SLC45A4: variants seen among roughly 807,000 people sequenced by gnomAD.
SLC45A4 encodes solute carrier family 45 member 4.
Under a neutral mutation model 63.7 loss-of-function variants are expected in SLC45A4, and 32 were observed. The observed-to-expected ratio is 0.50, with a 90% CI of 0.38 to 0.67. The LOEUF (loss-of-function observed/expected upper bound fraction) is 0.67. Ranked by LOEUF, SLC45A4 falls within the 30% of genes least tolerant of loss-of-function variation. SLC45A4 has a pLI of 0.00. For synonymous variants in SLC45A4, 535 were observed against 510.0 expected (o/e 1.05, Z -0.66); for missense variants, 1,027 against 1,157.7 (o/e 0.89, Z 1.64).
At chr8:141,242,755 C>A (rs558868919) in intron 2 of SLC45A4, among the ~76,000 whole-genome samples, 1 of 152,180 alleles carries the variant, frequency 6.6e-6, no homozygotes. Context: ...CTGTCTTCCA[C>A]GAGCACCTCA....
intron 2 of SLC45A4, among the ~76,000 whole-genome samples, chr8:141,238,154 G>A (rs1050925340): frequency 8.5e-5 from 13 of 152,176 alleles, no homozygotes; most frequent in Non-Finnish European, 1.3e-4. Flanking sequence ...CAGCAGACGC[G>A]TGCCCGAGTC....
intron 1 of SLC45A4, among the ~76,000 whole-genome samples, chr8:141,269,279 T>C (rs532944813): frequency 1.3e-5 from 2 of 152,228 alleles, no homozygotes; most frequent in Non-Finnish European, 2.9e-5. Flanking sequence ...AGTCTTCTGA[T>C]AACCGTCTTT....
chr8:141,268,217 G>C (rs1829360658), intron 1 of SLC45A4, among the ~76,000 whole-genome samples: 1 of 152,214 alleles, frequency 6.6e-6, no homozygotes, highest in Admixed American at 6.5e-5. Context: ...CTCTGAAACG[G>C]CTACCAACTG....
intron 7 of SLC45A4, among the ~76,000 whole-genome samples, chr8:141,213,067 AC>A (rs1284984507): frequency 5.8e-5 from 5 of 86,306 alleles, no homozygotes; most frequent in African/African-American, 2.8e-4. Flanking sequence ...ATATATTACT[AC>A]CATTAGCATC....
chr8:141,283,178 C>A (rs1830015588), intron 1 of SLC45A4, among the ~76,000 whole-genome samples: 1 of 152,378 alleles, frequency 6.6e-6, no homozygotes, highest in South Asian at 2.1e-4. Context: ...TGAGATTCCT[C>A]AAGTCCTGAG....
chr8:141,264,930 C>CCCGT (rs1196212626), intron 1 of SLC45A4, among the ~76,000 whole-genome samples: 1 of 152,176 alleles, frequency 6.6e-6, no homozygotes, highest in African/African-American at 2.4e-5. Context: ...CAAGACAGAA[C>CCCGT]CCGTCTATCA....
intron 1 of SLC45A4, among the ~76,000 whole-genome samples, chr8:141,273,044 G>A (rs578163743): frequency 2.0e-5 from 3 of 152,326 alleles, no homozygotes; most frequent in Admixed American, 2.0e-4. Flanking sequence ...AAGATGCAGT[G>A]TCCGACACGT....
intron 1 of SLC45A4, among the ~76,000 whole-genome samples, chr8:141,283,670 G>C (rs1264400250): frequency 6.6e-6 from 1 of 152,226 alleles, no homozygotes; most frequent in Non-Finnish European, 1.5e-5. Context: ...TACAGTGACT[G>C]CTGGGCAGCT....
chr8:141,269,873 G>A (rs139449537), intron 1 of SLC45A4, among the ~76,000 whole-genome samples: 1 of 152,156 alleles, frequency 6.6e-6, no homozygotes, highest in African/African-American at 2.4e-5. Context: ...CCCCAGGAAT[G>A]AGCGGACACC....
Position 141,307,038 on chromosome 8 carries a change from C to A in SLC45A4, c.-401+1058G>T, listed in dbSNP as rs944078020. 2.0e-5 allele frequency among the ~76,000 whole-genome samples: 3 copies of A among 152,196 alleles called. No homozygotes were observed. In the South Asian group the frequency reaches 6.2e-4, roughly 31 times the overall value. ...CTGAAGCCACACTCCATCAGTGACC[C>A]GCACTGGAGAGACACAAACACCTCA... On this transcript the variant is annotated intron_variant, in intron 1 of 8. Coordinates refer to ENST00000517878, the MANE Select transcript of SLC45A4 (RefSeq NM_001286646.2).
rs566205599 is a variant in SLC45A4 at position 141,211,354 on chromosome 8, C to T, written c.*218G>A. On this transcript the variant is annotated 3_prime_UTR_variant, in exon 9 of 9. Transcript: ENST00000517878. ...GGGCGCAGACACACTCACACGCGCA[C>T]GCAGGAGCTCGTCTGGAGCTCACGC... The T allele has an allele frequency of 1.8e-4, 262 of 1,421,756 alleles. No homozygotes were observed. In the African/African-American group the frequency reaches 2.8e-3, roughly 15 times the overall value. 88.1% of individuals were successfully genotyped at this position (1,421,756 alleles called of 1,614,324 possible).
At chr8:141,232,024 C>T (rs2154614342) in intron 2 of SLC45A4, among the ~76,000 whole-genome samples, 1 of 152,364 alleles carries the variant, frequency 6.6e-6, no homozygotes, top group East Asian at 1.9e-4. Flanking sequence ...ACAGTACATT[C>T]CAGTGGGGCC....
intron 1 of SLC45A4, among the ~76,000 whole-genome samples, chr8:141,258,150 G>A (rs1224972686): frequency 4.8e-5 from 7 of 146,576 alleles, no homozygotes; most frequent in East Asian, 4.0e-4. Flanking sequence ...CCAGCTCTGC[G>A]CTGGATCTGC....
In SLC45A4 at chr8:141,210,463, C is replaced by T. The variant is rs139551568; in HGVS notation, c.*1109G>A. 3.3e-5 allele frequency: 5 copies of T among 152,198 alleles called. No individual in the cohort carries two copies. The highest frequency in any genetic ancestry group is 2.1e-4 in the South Asian group (1 of 4,834). 9.4% of individuals were successfully genotyped at this position (152,198 alleles called of 1,614,324 possible). A position where few individuals can be genotyped will look rare whatever the true frequency, so the allele number is the denominator to read the frequency against. The stretch of plus-strand genomic sequence containing the variant: ...TCAGCCCTCTGCGATCCTGGGACAC[C>T]GTGGCCTGGCAGACACACCGTGCGT... On this transcript the variant is annotated 3_prime_UTR_variant, in exon 9 of 9. Coordinates refer to ENST00000517878, the MANE Select transcript of SLC45A4 (RefSeq NM_001286646.2).
At chr8:141,242,974 G>A (rs1004099371) in intron 2 of SLC45A4, among the ~76,000 whole-genome samples, 1 of 152,226 alleles carries the variant, frequency 6.6e-6, no homozygotes, top group Non-Finnish European at 1.5e-5. Context: ...CCGGCAGGGC[G>A]AGGACCCATC....
chr8:141,274,105 G>A (rs531561227), intron 1 of SLC45A4, among the ~76,000 whole-genome samples: 4 of 151,884 alleles, frequency 2.6e-5, no homozygotes, highest in Admixed American at 6.6e-5. Flanking sequence ...GGCAGGCGCC[G>A]ATAGTCCCAG....
chr8:141,223,343 C>T lies in SLC45A4; in HGVS notation c.242-1578G>A, dbSNP rs1005287981. Among the ~76,000 whole-genome samples, 7 of 152,182 alleles carry T rather than the reference C, an allele frequency of 4.6e-5. 1 individual carries two copies. Among genetic ancestry groups the T allele is most frequent in the Non-Finnish European group, 7.3e-5 (5 of 68,036 alleles). Reference sequence around the variant, plus strand: ...AGAGTTTACACGGCAGACCCGGGTTCCTCAGCTTCACCGGAACTGAGTCCC... The same window carrying T: ...AGAGTTTACACGGCAGACCCGGGTTTCTCAGCTTCACCGGAACTGAGTCCC... On this transcript the variant is annotated intron_variant, in intron 2 of 8. Coordinates refer to ENST00000517878, the MANE Select transcript of SLC45A4 (RefSeq NM_001286646.2).
intron 1 of SLC45A4, among the ~76,000 whole-genome samples, chr8:141,290,859 TTTTG>T (rs1363585361): frequency 6.6e-6 from 1 of 152,212 alleles, no homozygotes; most frequent in African/African-American, 2.4e-5. Flanking sequence ...TTTTGTTTTG[TTTTG>T]TTTGAGACTG....
intron 1 of SLC45A4, among the ~76,000 whole-genome samples, chr8:141,255,442 A>G (rs1025874423): frequency 8.5e-5 from 13 of 152,240 alleles, no homozygotes; most frequent in Non-Finnish European, 1.9e-4. Flanking sequence ...GCAGCTGGGC[A>G]CGGTGGCTTA....
Sources: allele counts gnomAD v4.1 joint callset (sites outside exome capture counted in the v4.1 genomes callset), GRCh38; gene constraint gnomAD v4.1.1; transcripts MANE v1.5; gene names NCBI Gene and HGNC (gene_info 2026-07-23, HGNC 2026-07-21).